S100A9: variants seen among roughly 807,000 people sequenced by gnomAD.
S100A9 encodes the protein protein S100-A9.
S100A9 carries 2 observed loss-of-function variants against 4.3 expected under a neutral mutation model. The observed-to-expected ratio is 0.47, with a 90% CI of 0.19 to 1.48. The LOEUF (loss-of-function observed/expected upper bound fraction) is 1.48, where lower values mean the gene tolerates loss of function less well. S100A9 is among the 40% of genes most tolerant of loss of function. S100A9 has a pLI of 0.24. For missense variants in S100A9, 130 were observed against 144.4 expected (o/e 0.90, Z 0.51); for synonymous variants, 67 against 54.0 (o/e 1.24, Z -1.06).
At chr1:153,360,496 C>G (rs1248293930) in intron 2 of S100A9, 148 bp from the exon 3 acceptor site, 2 of 591,112 alleles carry the variant, frequency 3.4e-6, no homozygotes, top group East Asian at 2.9e-5. Context: ...CTCCATTGTG[C>G]GCACTCAGCC....
In S100A9 at chr1:153,360,889, T is replaced by TGGCCACGGCCAC. The variant is rs772281980; in HGVS notation, c.*52_*63dup. ...GCCACGGCCACGGCCACAGTCATGG[T>TGGCCACGGCCAC]GGCCACGGCCACAGCCACTAATCAG... On this transcript the variant is annotated 3_prime_UTR_variant, in exon 3 of 3. Coordinates refer to ENST00000368738, the MANE Select transcript of S100A9 (RefSeq NM_002965.4). The TGGCCACGGCCAC allele has an allele frequency of 2.3e-5, 32 of 1,397,790 alleles. No homozygotes were observed. The Admixed American group carries it at 6.4e-4, about 28-fold the overall frequency. The allele number at this position is 1,397,790 out of a possible 1,614,324, so 86.6% of individuals were successfully genotyped here.
At chr1:153,360,618 T>A (rs1479337907) in intron 2 of S100A9, 26 bp from the exon 3 acceptor site, 1 of 1,556,294 alleles carries the variant, frequency 6.4e-7, no homozygotes, top group Non-Finnish European at 8.8e-7. Flanking sequence ...CACCCAGCTC[T>A]CACAGCCTTC....
intron 1 of S100A9, 54 bp from the exon 2 acceptor site, chr1:153,358,215 A>C (rs1224822072): frequency 2.4e-6 from 3 of 1,268,744 alleles, no homozygotes; most frequent in Non-Finnish European, 3.3e-6. Flanking sequence ...GTGTCAAAGA[A>C]GCTTGACAGC....
At chr1:153,359,503 A>G (rs1383128452) in intron 2 of S100A9, among the ~76,000 whole-genome samples, 1 of 151,664 alleles carries the variant, frequency 6.6e-6, no homozygotes. Flanking sequence ...GTGGGAAAGG[A>G]AGCAGAGCCT....
intron 1 of S100A9, 75 bp from the exon 2 acceptor site, chr1:153,358,194 C>A: frequency 9.9e-7 from 1 of 1,005,224 alleles, no homozygotes; most frequent in Non-Finnish European, 1.5e-6. Flanking sequence ...TCTGTGAGTG[C>A]TTAGTAGGAA....
At chr1:153,360,120 C>T (rs1280141724) in intron 2 of S100A9, among the ~76,000 whole-genome samples, 1 of 152,088 alleles carries the variant, frequency 6.6e-6, no homozygotes, top group Non-Finnish European at 1.5e-5. Flanking sequence ...AAATAAGTTT[C>T]ACTAATTGGT....
chr1:153,360,953 G>A lies in S100A9; in HGVS notation c.*115G>A, dbSNP rs530248964. 8.0e-5 allele frequency: 62 copies of A among 775,092 alleles called. No individual in the cohort carries two copies. Among genetic ancestry groups the A allele is most frequent in the East Asian group, 4.7e-4 (17 of 36,086 alleles). 48.0% of individuals were successfully genotyped at this position (775,092 alleles called of 1,614,324 possible). ...CCTGCCTCTACCCAACCAGGGCCCC[G>A]GGGCCTGTTATGTCAAACTGTCTTG... is the stretch of plus-strand genomic sequence containing the variant. On this transcript the variant is annotated 3_prime_UTR_variant, in exon 3 of 3. Coordinates refer to ENST00000368738, the MANE Select transcript of S100A9 (RefSeq NM_002965.4).
chr1:153,358,887 C>A (rs1232696129), intron 2 of S100A9, among the ~76,000 whole-genome samples: 2 of 152,016 alleles, frequency 1.3e-5, no homozygotes, highest in African/African-American at 4.8e-5. Flanking sequence ...TGAGCTGAGC[C>A]CCGAATGTTG....
intron 2 of S100A9, among the ~76,000 whole-genome samples, 173 bp downstream of exon 2, chr1:153,358,606 C>A (rs910977868): frequency 6.6e-6 from 1 of 152,120 alleles, no homozygotes; most frequent in African/African-American, 2.4e-5. Flanking sequence ...TTACACAGGA[C>A]GACAGGGTCA....
Position 153,360,790 on chromosome 1 carries a change from G to GGGC in S100A9, c.298_300dup (p.Gly100dup). On this transcript the variant is annotated inframe_insertion, in exon 3 of 3. Transcript: ENST00000368738. The stretch of plus-strand genomic sequence containing the variant: ...ACGAGAAGATGCACGAGGGTGACGA[G>GGGC]GGCCCTGGCCACCACCATAAGCCAG... The GGGC allele has an allele frequency of 1.2e-6, 2 of 1,613,842 alleles. No individual in the cohort carries two copies. The highest frequency in any genetic ancestry group is 1.7e-6 in the Non-Finnish European group (2 of 1,179,862).
rs1661438038 is a variant in S100A9, at chr1:153,360,813, C to T, written c.320C>T (p.Pro107Leu). ...GAGGGCCCTGGCCACCACCATAAGCCAGGCCTCGGGGAGGGCACCCCCTAA... is the reference window on the plus strand; with the variant it reads ...GAGGGCCCTGGCCACCACCATAAGCTAGGCCTCGGGGAGGGCACCCCCTAA... ...GDEGPGHHHK[P>L]GLGEGTP Residue 107 changes from proline (P) to leucine (L), a missense_variant, in exon 3 of 3, where the codon CCA (proline) becomes CTA (leucine). Pro to Leu is a moderately conservative substitution (Grantham distance 98). Coordinates refer to ENST00000368738, the MANE Select transcript of S100A9 (RefSeq NM_002965.4). The T allele has an allele frequency of 4.3e-6, 7 of 1,611,610 alleles. No individual in the cohort carries two copies. In the East Asian group the frequency reaches 1.6e-4, roughly 36 times the overall value.
In S100A9 at chr1:153,360,637, C is replaced by A; in HGVS notation, c.151-7C>A. 6.3e-7 allele frequency: 1 copy of A among 1,592,976 alleles called. No homozygotes were observed. The highest frequency in any genetic ancestry group is 8.6e-7 in the Non-Finnish European group (1 of 1,165,056). ...CAGCTCTCACAGCCTTCTCTCCCCA[C>A]CCGCAGAAGGAGAATAAGAATGAAA... On this transcript the variant is annotated splice_polypyrimidine_tract_variant and splice_region_variant and intron_variant, in intron 2 of 2. Transcript: ENST00000368738.
intron 2 of S100A9, among the ~76,000 whole-genome samples, chr1:153,358,745 C>T (rs1661393510): frequency 6.6e-6 from 1 of 152,100 alleles, no homozygotes; most frequent in African/African-American, 2.4e-5. Flanking sequence ...CAATAAAGAG[C>T]ACAGATAAAG....
intron 2 of S100A9, among the ~76,000 whole-genome samples, chr1:153,359,864 T>G (rs1047681256): frequency 1.3e-5 from 2 of 151,970 alleles, no homozygotes; most frequent in African/African-American, 4.8e-5. Flanking sequence ...AATTTTGTTA[T>G]TTTTTGTAGA....
chr1:153,360,432 A>G (rs1661426198), intron 2 of S100A9, among the ~76,000 whole-genome samples: 1 of 152,200 alleles, frequency 6.6e-6, no homozygotes, highest in Admixed American at 6.5e-5. Flanking sequence ...CACCCAAGTC[A>G]CAGGGTCATG....
rs1028363726 is a variant in S100A9 at position 153,360,814 on chromosome 1, A to G, written c.321A>G (p.Pro107=). 7 of 1,611,368 alleles carry G rather than the reference A, an allele frequency of 4.3e-6. No individual in the cohort carries two copies. Among genetic ancestry groups the G allele is most frequent in the Non-Finnish European group, 5.9e-6 (7 of 1,178,554 alleles). The change falls in exon 3 of 3, where the codon CCA becomes CCG. Residue 107 remains proline, a synonymous_variant. Coordinates refer to ENST00000368738, the MANE Select transcript of S100A9 (RefSeq NM_002965.4). The part of the protein sequence containing the change: ...GDEGPGHHHK[P]GLGEGTP ...AGGGCCCTGGCCACCACCATAAGCC[A>G]GGCCTCGGGGAGGGCACCCCCTAAG...
chr1:153,358,269 A>G lies in S100A9; in HGVS notation c.-15A>G. 6.4e-7 allele frequency: 1 copy of G among 1,555,030 alleles called. No homozygotes were observed. The highest frequency in any genetic ancestry group is 8.8e-7 in the Non-Finnish European group (1 of 1,142,278). On this transcript the variant is annotated splice_region_variant and 5_prime_UTR_variant, in exon 2 of 3. Transcript: ENST00000368738. The stretch of plus-strand genomic sequence containing the variant: ...CAACTCTTGGTTTTCCATTACACAG[A>G]CAGAGTGCAAGACGATGACTTGCAA...
intron 2 of S100A9, among the ~76,000 whole-genome samples, chr1:153,359,076 T>C (rs1661398913): frequency 6.6e-6 from 1 of 152,086 alleles, no homozygotes; most frequent in East Asian, 1.9e-4. Context: ...CTGGGAGGTT[T>C]TTCCCCCGCT....
At chr1:153,360,462 C>T (rs1021181522) in intron 2 of S100A9, among the ~76,000 whole-genome samples, 182 bp from the exon 3 acceptor site, 6 of 152,106 alleles carry the variant, frequency 3.9e-5, no homozygotes, top group Non-Finnish European at 5.9e-5. Context: ...AACTGGAGAG[C>T]GTTTGGTATG....
Sources: gnomAD v4.1 joint callset for allele counts (sites outside exome capture counted in the v4.1 genomes callset) on GRCh38, gnomAD v4.1.1 for gene constraint, MANE v1.5 for transcripts, NCBI Gene and HGNC (gene_info 2026-07-23, HGNC 2026-07-21) for gene names.